Variants in PCDHA13 observed in about 807,000 individuals in gnomAD.
PCDHA13 encodes the protein protocadherin alpha-13.
Under a neutral mutation model 64.8 loss-of-function variants are expected in PCDHA13, and 54 were observed. That is an observed-to-expected ratio of 0.83 (90% CI 0.67 to 1.04). The LOEUF is 1.04. Ranked by LOEUF, PCDHA13 falls within the 50% of genes least tolerant of loss-of-function variation. The pLI is 0.00. For missense variants in PCDHA13, 1,248 were observed against 1,254.3 expected (o/e 0.99, Z 0.08); for synonymous variants, 587 against 564.4 (o/e 1.04, Z -0.57).
chr5:140,968,355 G>C lies in PCDHA13; in HGVS notation c.2395-10594G>C. On this transcript the variant is annotated intron_variant, in intron 1 of 3. Transcript: ENST00000289272. ...GTCTCCATTAACAGTGCCAGTGGCA[G>C]CCTTTATGCTGTCAACTCCTTTGAC... 1 of 1,614,080 alleles carries C rather than the reference G, an allele frequency of 6.2e-7. No individual in the cohort carries two copies. The highest frequency in any genetic ancestry group is 8.5e-7 in the Non-Finnish European group (1 of 1,180,010).
At chr5:140,917,379 T>C (rs1393963383) in intron 1 of PCDHA13, among the ~76,000 whole-genome samples, 1 of 147,708 alleles carries the variant, frequency 6.8e-6, no homozygotes, top group African/African-American at 2.5e-5. Context: ...TCCACCTCAA[T>C]AGTCTGATGT....
chr5:140,906,262 A>AAT (rs2072503500), intron 1 of PCDHA13, among the ~76,000 whole-genome samples: 2 of 152,306 alleles, frequency 1.3e-5, no homozygotes, highest in African/African-American at 4.8e-5. Flanking sequence ...CACCTCCTGA[A>AAT]ATTATAGATA....
At chr5:141,005,285 A>T (rs1285354488) in intron 3 of PCDHA13, among the ~76,000 whole-genome samples, 1 of 152,218 alleles carries the variant, frequency 6.6e-6, no homozygotes, top group Non-Finnish European at 1.5e-5. Context: ...ATAAACAGAT[A>T]CATTTTTTGC....
chr5:140,890,515 T>C (rs996565867), intron 1 of PCDHA13, among the ~76,000 whole-genome samples: 2 of 152,198 alleles, frequency 1.3e-5, no homozygotes, highest in African/African-American at 4.8e-5. Context: ...CTCTATTTCC[T>C]TCCTTTGTTG....
intron 1 of PCDHA13, among the ~76,000 whole-genome samples, chr5:140,920,816 C>A (rs1170521844): frequency 6.6e-6 from 1 of 150,790 alleles, no homozygotes; most frequent in East Asian, 1.9e-4. Flanking sequence ...TGCACTCCAG[C>A]CTGGCGACGG....
chr5:140,927,814 G>GCATA (rs1554205103), intron 1 of PCDHA13: 1 of 1,614,172 alleles, frequency 6.2e-7, no homozygotes, highest in Non-Finnish European at 8.5e-7. Context: ...GCTCTTGGAG[G>GCATA]CATACATTGA....
In PCDHA13 at chr5:140,884,014, G is replaced by A. The variant is rs1582743653; in HGVS notation, c.1746G>A (p.Pro582=). ...SAGGTVSELM[P]RSVGAGHVVA... ...GAGGCACAGTGAGCGAGCTGATGCC[G>A]CGGTCGGTGGGTGCAGGCCACGTGG... Residue 582 remains proline (P), a synonymous_variant, in exon 1 of 4, where the codon CCG becomes CCA. Coordinates refer to ENST00000289272, the MANE Select transcript of PCDHA13 (RefSeq NM_018904.3). The A allele has an allele frequency of 6.2e-7, 1 of 1,613,168 alleles. No individual in the cohort carries two copies. The highest frequency in any genetic ancestry group is 8.5e-7 in the Non-Finnish European group (1 of 1,179,602).
At chr5:140,968,116 A>C in intron 1 of PCDHA13, 1 of 1,614,174 alleles carries the variant, frequency 6.2e-7, no homozygotes, top group South Asian at 1.1e-5. Context: ...CGCAGCTCAC[A>C]TCCCTGCGTA....
intron 1 of PCDHA13, among the ~76,000 whole-genome samples, chr5:140,956,442 T>A (rs557521776): frequency 2.6e-5 from 4 of 152,362 alleles, no homozygotes; most frequent in African/African-American, 9.6e-5. Flanking sequence ...GCTTATGTGA[T>A]GAATTACATT....
intron 1 of PCDHA13, among the ~76,000 whole-genome samples, chr5:140,961,302 A>G (rs1383841228): frequency 6.6e-6 from 1 of 152,222 alleles, no homozygotes; most frequent in African/African-American, 2.4e-5. Context: ...GTTAAAGAAC[A>G]TGATTTACCA....
At chr5:140,999,877 G>C (rs1194481133) in intron 3 of PCDHA13, among the ~76,000 whole-genome samples, 1 of 152,152 alleles carries the variant, frequency 6.6e-6, no homozygotes, top group Non-Finnish European at 1.5e-5. Flanking sequence ...CTGAAAATTA[G>C]CCCAGCTGTA....
intron 1 of PCDHA13, among the ~76,000 whole-genome samples, chr5:140,939,008 T>C (rs1348323675): frequency 6.6e-6 from 1 of 152,234 alleles, no homozygotes; most frequent in Non-Finnish European, 1.5e-5. Context: ...TTAAGAAGTG[T>C]TACTTTTCTT....
At chr5:140,903,787 A>G (rs782220484) in intron 1 of PCDHA13, among the ~76,000 whole-genome samples, 10 of 152,174 alleles carry the variant, frequency 6.6e-5, no homozygotes, top group Non-Finnish European at 1.3e-4. Context: ...TAAACTATCT[A>G]TGGTTGTAAT....
chr5:140,941,191 T>TTTCTTTCTTTCTTTC lies in PCDHA13; in HGVS notation c.2395-37756_2395-37755insCTTTCTTTCTTTCTT, dbSNP rs1487503403. Among the ~76,000 whole-genome samples, 17 of 93,258 alleles carry TTTCTTTCTTTCTTTC rather than the reference T, an allele frequency of 1.8e-4. No individual in the cohort carries two copies. The South Asian group carries it at 2.0e-3, about 11-fold the overall frequency. The allele number at this position is 93,258 out of a possible 152,430, so 61.2% of individuals were successfully genotyped here. A position where few individuals can be genotyped will look rare whatever the true frequency, so the allele number is the denominator to read the frequency against. ...CATCTTGAACATCCTGCTTCTTTTT[T>TTTCTTTCTTTCTTTC]TTTCTTTCTTCCTTTCTTTCTTCCT... On this transcript the variant is annotated intron_variant, in intron 1 of 3. Coordinates refer to ENST00000289272, the MANE Select transcript of PCDHA13 (RefSeq NM_018904.3).
chr5:140,967,817 G>A, intron 1 of PCDHA13: 1 of 1,614,182 alleles, frequency 6.2e-7, no homozygotes. Context: ...TCACTGCAAG[G>A]TGCTGGTGGA....
intron 1 of PCDHA13, among the ~76,000 whole-genome samples, chr5:140,975,246 G>T (rs1304794782): frequency 6.6e-6 from 1 of 152,136 alleles, no homozygotes; most frequent in Non-Finnish European, 1.5e-5. Context: ...TCCCTCTTAT[G>T]CTTCAGATCT....
chr5:140,894,997 T>G (rs566489828), intron 1 of PCDHA13, among the ~76,000 whole-genome samples: 15 of 152,296 alleles, frequency 9.8e-5, no homozygotes, highest in African/African-American at 3.6e-4. Flanking sequence ...TCCTTTACCC[T>G]TTTTACTTGG....
intron 1 of PCDHA13, among the ~76,000 whole-genome samples, chr5:140,952,668 T>C (rs960968372): frequency 6.6e-6 from 1 of 152,234 alleles, no homozygotes. Context: ...CAAAGTCACT[T>C]TCACATTTTC....
At chr5:140,888,557 T>G (rs2153424359) in intron 1 of PCDHA13, among the ~76,000 whole-genome samples, 1 of 152,366 alleles carries the variant, frequency 6.6e-6, no homozygotes, top group East Asian at 1.9e-4. Flanking sequence ...TTTATTCCTT[T>G]CAAGGCTTCA....
Sources: allele counts gnomAD v4.1 joint callset (sites outside exome capture counted in the v4.1 genomes callset), GRCh38; gene constraint gnomAD v4.1.1; transcripts MANE v1.5; gene names NCBI Gene and HGNC (gene_info 2026-07-23, HGNC 2026-07-21).